Variants in SPP2 observed in about 807,000 individuals in gnomAD.
The protein encoded by SPP2 is secreted phosphoprotein 2.
SPP2 carries 34 observed loss-of-function variants against 28.8 expected under a neutral mutation model. The ratio of observed to expected loss-of-function variants is 1.18; its 90% CI spans 0.90 to 1.57. The LOEUF (loss-of-function observed/expected upper bound fraction) is 1.57, where lower values mean the gene tolerates loss of function less well. SPP2 is among the 40% of genes most tolerant of loss of function. The pLI, the probability that SPP2 is intolerant of heterozygous loss-of-function variation, is 0.00. For missense variants in SPP2, 269 were observed against 263.9 expected (o/e 1.02, Z -0.13); for synonymous variants, 96 against 89.4 (o/e 1.07, Z -0.42).
chr2:234,061,715 T>A (rs1475397373), intron 4 of SPP2, among the ~76,000 whole-genome samples: 4 of 152,226 alleles, frequency 2.6e-5, no homozygotes, highest in Non-Finnish European at 4.4e-5. Flanking sequence ...ATGAAACTAA[T>A]GACTGAGACA....
chr2:234,064,059 C>CCTT (rs1427926722), intron 4 of SPP2, among the ~76,000 whole-genome samples: 1 of 152,136 alleles, frequency 6.6e-6, no homozygotes, highest in African/African-American at 2.4e-5. Context: ...GACTTAGAGT[C>CCTT]CTTCAGTCCT....
chr2:234,069,816 G>A (rs1027860994), intron 6 of SPP2, 112 bp from the exon 7 acceptor site: 4 of 812,340 alleles, frequency 4.9e-6, no homozygotes, highest in Non-Finnish European at 6.3e-6. Flanking sequence ...TGGCAGATGG[G>A]TTCAGGTTAT....
At position 234,058,832 on chromosome 2, in the gene SPP2, G is replaced by T; in HGVS notation, c.211-4G>T. The T allele has an allele frequency of 6.2e-7, 1 of 1,610,794 alleles. No homozygotes were observed. The highest frequency in any genetic ancestry group is 8.5e-7 in the Non-Finnish European group (1 of 1,178,674). Reference sequence around the variant, plus strand: ...TCACACTCTGAAACTTTATTTTTGTGAAGGTTGAGGTCCTAGATGAGAACA... The same window carrying T: ...TCACACTCTGAAACTTTATTTTTGTTAAGGTTGAGGTCCTAGATGAGAACA... On this transcript the variant is annotated splice_region_variant and splice_polypyrimidine_tract_variant and intron_variant, in intron 2 of 7. Coordinates refer to ENST00000168148, the MANE Select transcript of SPP2 (RefSeq NM_006944.3).
chr2:234,076,182 C>A (rs1417866172), intron 7 of SPP2, among the ~76,000 whole-genome samples: 4 of 152,122 alleles, frequency 2.6e-5, no homozygotes, highest in Non-Finnish European at 4.4e-5. Flanking sequence ...CTCGCCCACA[C>A]ACCCGACAGT....
intron 7 of SPP2, among the ~76,000 whole-genome samples, chr2:234,075,334 T>A (rs1298138310): frequency 6.6e-6 from 1 of 152,054 alleles, no homozygotes; most frequent in Non-Finnish European, 1.5e-5. Context: ...TCTCCGTTGA[T>A]CTCTTCTCAT....
intron 4 of SPP2, among the ~76,000 whole-genome samples, chr2:234,063,585 GT>G (rs1344387352): frequency 6.6e-6 from 1 of 152,194 alleles, no homozygotes; most frequent in Non-Finnish European, 1.5e-5. Flanking sequence ...ATTATCGGTA[GT>G]TTTTATTATT....
chr2:234,052,121 T>C (rs1488708803), intron 2 of SPP2, among the ~76,000 whole-genome samples: 1 of 152,200 alleles, frequency 6.6e-6, no homozygotes, highest in Non-Finnish European at 1.5e-5. Flanking sequence ...TTGATTATAG[T>C]TCATGAAGAC....
rs200330050 is a variant in SPP2 at position 234,067,223 on chromosome 2, G to T, written c.500-1G>T. On this transcript the variant is annotated splice_acceptor_variant, in intron 5 of 7. Transcript: ENST00000168148. LOFTEE classifies it high-confidence loss of function. ...GTCTTATGATTATTACTGTGTTACAGGTCTCATTTCAGACGAGTCCATAAG... is the reference window on the plus strand; with the variant it reads ...GTCTTATGATTATTACTGTGTTACATGTCTCATTTCAGACGAGTCCATAAG... 2.0e-4 allele frequency: 323 copies of T among 1,613,518 alleles called. No homozygotes were observed. The highest frequency in any genetic ancestry group is 2.8e-4 in the Admixed American group (17 of 59,990).
intron 7 of SPP2, among the ~76,000 whole-genome samples, chr2:234,074,741 G>A (rs138606490): frequency 7.2e-5 from 11 of 152,208 alleles, no homozygotes; most frequent in Non-Finnish European, 1.2e-4. Flanking sequence ...TGTTCCCAAC[G>A]TTTTCCTCAA....
intron 7 of SPP2, among the ~76,000 whole-genome samples, chr2:234,071,736 C>T (rs139858542): frequency 1.3e-5 from 2 of 152,326 alleles, no homozygotes; most frequent in African/African-American, 4.8e-5. Flanking sequence ...TCCAGCCTCA[C>T]CTGGCCGCTC....
chr2:234,071,653 C>T (rs545466897), intron 7 of SPP2, among the ~76,000 whole-genome samples: 228 of 152,306 alleles, frequency 1.5e-3, no homozygotes, highest in African/African-American at 5.3e-3. Context: ...CATAACACTG[C>T]ATGCTTTCAG....
chr2:234,063,692 C>T (rs1693763806), intron 4 of SPP2, among the ~76,000 whole-genome samples: 1 of 152,172 alleles, frequency 6.6e-6, no homozygotes, highest in Non-Finnish European at 1.5e-5. Flanking sequence ...CAGGCCCCAT[C>T]AGGAGTACGA....
At chr2:234,062,669 G>A (rs747050880) in intron 4 of SPP2, among the ~76,000 whole-genome samples, 1 of 152,116 alleles carries the variant, frequency 6.6e-6, no homozygotes, top group Non-Finnish European at 1.5e-5. Flanking sequence ...AGGTGAGAGA[G>A]AATGCTAACT....
chr2:234,076,213 C>G (rs1690890555), intron 7 of SPP2, among the ~76,000 whole-genome samples: 1 of 152,104 alleles, frequency 6.6e-6, no homozygotes, highest in African/African-American at 2.4e-5. Flanking sequence ...TGTCCCCAGC[C>G]TTGAGTGCTG....
chr2:234,061,717 A>G, intron 4 of SPP2, among the ~76,000 whole-genome samples: 1 of 152,226 alleles, frequency 6.6e-6, no homozygotes, highest in East Asian at 1.9e-4. Flanking sequence ...GAAACTAATG[A>G]CTGAGACACT....
intron 2 of SPP2, among the ~76,000 whole-genome samples, chr2:234,055,367 C>T (rs1693585474): frequency 6.6e-6 from 1 of 152,164 alleles, no homozygotes; most frequent in African/African-American, 2.4e-5. Flanking sequence ...TTAACTGATT[C>T]GATGAAGCCC....
At chr2:234,065,268 G>C (rs532012353) in intron 4 of SPP2, among the ~76,000 whole-genome samples, 1 of 151,888 alleles carries the variant, frequency 6.6e-6, no homozygotes, top group African/African-American at 2.4e-5. Context: ...AGTGTGACGT[G>C]GTATCTCATT....
chr2:234,064,141 T>A (rs1019091185), intron 4 of SPP2, among the ~76,000 whole-genome samples: 1 of 140,140 alleles, frequency 7.1e-6, no homozygotes, highest in Non-Finnish European at 1.5e-5. Flanking sequence ...CTCTTCCTTC[T>A]CCCCCTCATT....
At chr2:234,058,766 G>A (rs17865708) in intron 2 of SPP2, 70 bp from the exon 3 acceptor site, 130,438 of 1,527,352 alleles carry the variant, frequency 0.085, 12,338 homozygotes, top group African/African-American at 0.49. Flanking sequence ...ATGGGGTAGA[G>A]ACAATGATTT....
Sources: allele counts gnomAD v4.1 joint callset (sites outside exome capture counted in the v4.1 genomes callset), GRCh38; gene constraint gnomAD v4.1.1; transcripts MANE v1.5; gene names NCBI Gene and HGNC (gene_info 2026-07-23, HGNC 2026-07-21).